Variants in DIAPH3 observed in about 807,000 individuals in gnomAD.
The protein encoded by DIAPH3 is protein diaphanous homolog 3.
Under a neutral mutation model 144.3 loss-of-function variants are expected in DIAPH3, and 117 were observed. The observed-to-expected ratio is 0.81, with a 90% CI of 0.70 to 0.95. DIAPH3 has a LOEUF of 0.95. DIAPH3 is among the 40% of genes least tolerant of loss of function. DIAPH3 has a pLI of 0.00. For missense variants in DIAPH3, 1,421 were observed against 1,412.7 expected, an observed-to-expected ratio of 1.01 and a Z score of -0.09; for synonymous variants, 519 against 488.9, an observed-to-expected ratio of 1.06 and a Z score of -0.81.
chr13:60,090,005 G>A (rs1466374329), intron 4 of DIAPH3, among the ~76,000 whole-genome samples: 1 of 152,140 alleles, frequency 6.6e-6, no homozygotes, highest in African/African-American at 2.4e-5. Context: ...GAAGAGTCTA[G>A]GGGCAGGAAT....
chr13:59,740,144 T>C (rs1709532693), intron 27 of DIAPH3, among the ~76,000 whole-genome samples: 1 of 152,226 alleles, frequency 6.6e-6, no homozygotes, highest in South Asian at 2.1e-4. Context: ...CTCATTTATC[T>C]ACTTATTCGA....
At chr13:60,065,652 A>T (rs1459026146) in intron 4 of DIAPH3, among the ~76,000 whole-genome samples, 1 of 152,228 alleles carries the variant, frequency 6.6e-6, no homozygotes, top group Admixed American at 6.5e-5. Context: ...ACCCATGTCA[A>T]CTCATCAACA....
intron 27 of DIAPH3, among the ~76,000 whole-genome samples, chr13:59,725,907 A>C (rs573722784): frequency 2.6e-5 from 4 of 152,218 alleles, no homozygotes; most frequent in Non-Finnish European, 4.4e-5. Flanking sequence ...TACAAAGGTA[A>C]AAGAGAGAGG....
chr13:59,874,315 A>G (rs1374015427), intron 21 of DIAPH3, among the ~76,000 whole-genome samples: 1 of 152,158 alleles, frequency 6.6e-6, no homozygotes, highest in Non-Finnish European at 1.5e-5. Context: ...ACAATTTTGG[A>G]AAGTGTCTCA....
intron 17 of DIAPH3, among the ~76,000 whole-genome samples, chr13:59,948,840 A>AGAAGGAAGGAAG (rs202029127): frequency 2.7e-3 from 356 of 133,564 alleles, no homozygotes; most frequent in Non-Finnish European, 3.3e-3. Context: ...ATAAAAAGAA[A>AGAAGGAAGGAAG]GAAGGAAGGA....
chr13:59,825,035 ATTTT>A (rs2041304051), intron 24 of DIAPH3, among the ~76,000 whole-genome samples: 1 of 63,164 alleles, frequency 1.6e-5, no homozygotes, highest in South Asian at 5.7e-4. Context: ...TGACACATTT[ATTTT>A]ATTTATTATT....
At chr13:60,087,854 T>C (rs1350589802) in intron 4 of DIAPH3, among the ~76,000 whole-genome samples, 5 of 151,768 alleles carry the variant, frequency 3.3e-5, no homozygotes, top group Non-Finnish European at 5.9e-5. Flanking sequence ...AAATGTGGGA[T>C]GGGCTATCCT....
chr13:59,957,282 G>C (rs1450190712), intron 17 of DIAPH3, among the ~76,000 whole-genome samples: 3 of 152,170 alleles, frequency 2.0e-5, no homozygotes, highest in Non-Finnish European at 4.4e-5. Context: ...CCCACGTGTT[G>C]TGGGAGGGAC....
At position 59,668,565 on chromosome 13, in the gene DIAPH3, T is replaced by C. The variant is rs186379970; in HGVS notation, c.3320-1719A>G. Among the ~76,000 whole-genome samples, 152 of 152,308 alleles carry C rather than the reference T, an allele frequency of 1.0e-3. 1 individual carries two copies. The highest frequency in any genetic ancestry group is 3.4e-3 in the African/African-American group (140 of 41,574). ...TATGCACTCCAAGAAAGTAGGGACA[T>C]TGTTTTAAATATTGCTATAGCTTTA... On this transcript the variant is annotated intron_variant, in intron 27 of 27. Coordinates refer to ENST00000400324, the MANE Select transcript of DIAPH3 (RefSeq NM_001042517.2).
intron 27 of DIAPH3, among the ~76,000 whole-genome samples, chr13:59,744,168 A>G (rs1411027687): frequency 1.3e-5 from 2 of 152,202 alleles, no homozygotes; most frequent in African/African-American, 4.8e-5. Context: ...AATAATAACC[A>G]CCACCAAAAA....
intron 25 of DIAPH3, among the ~76,000 whole-genome samples, chr13:59,780,414 A>G (rs957624748): frequency 5.9e-5 from 9 of 152,344 alleles, no homozygotes; most frequent in African/African-American, 1.9e-4. Flanking sequence ...ACAGTATTCT[A>G]ACATAGACCA....
chr13:59,751,803 C>A (rs1474368608), intron 27 of DIAPH3, among the ~76,000 whole-genome samples: 1 of 152,164 alleles, frequency 6.6e-6, no homozygotes, highest in Non-Finnish European at 1.5e-5. Context: ...GGTAACAGTA[C>A]TACAAGTAAA....
rs141030518 is a variant in DIAPH3, at chr13:59,762,907, T to C, written c.3319+11282A>G. On this transcript the variant is annotated intron_variant, in intron 27 of 27. Transcript: ENST00000400324. ...AGAATAGTTTCCTTACAAAGGATGATGAGTCCAGCCCTGTTTTGTCTCCCT... is the reference window on the plus strand; with the variant it reads ...AGAATAGTTTCCTTACAAAGGATGACGAGTCCAGCCCTGTTTTGTCTCCCT... Among the ~76,000 whole-genome samples, 3 of 152,270 alleles carry C rather than the reference T, an allele frequency of 2.0e-5. No homozygotes were observed. In the East Asian group the frequency reaches 5.8e-4, roughly 29 times the overall value.
chr13:59,913,325 AC>A (rs1404525442), intron 19 of DIAPH3, among the ~76,000 whole-genome samples: 1 of 152,124 alleles, frequency 6.6e-6, no homozygotes, highest in Non-Finnish European at 1.5e-5. Flanking sequence ...CAAATTCCCC[AC>A]ACCCTTCGCA....
In DIAPH3 at chr13:60,163,857, C is replaced by T; in HGVS notation, c.-91G>A. On this transcript the variant is annotated 5_prime_UTR_variant, in exon 1 of 28. Coordinates refer to ENST00000400324, the MANE Select transcript of DIAPH3 (RefSeq NM_001042517.2). Reference sequence around the variant, plus strand: ...AGGGATCGACAACAGGTTTTACTCCCGGGGTCCGCCACCCAAACAGTCAGC... The same window carrying T: ...AGGGATCGACAACAGGTTTTACTCCTGGGGTCCGCCACCCAAACAGTCAGC... The T allele has an allele frequency of 4.7e-6, 7 of 1,476,454 alleles. No homozygotes were observed. The highest frequency in any genetic ancestry group is 6.3e-6 in the Non-Finnish European group (7 of 1,103,670). 91.5% of individuals were successfully genotyped at this position (1,476,454 alleles called of 1,614,324 possible).
intron 8 of DIAPH3, among the ~76,000 whole-genome samples, chr13:60,010,054 G>T (rs1260144945): frequency 2.6e-5 from 4 of 152,022 alleles, no homozygotes; most frequent in Non-Finnish European, 5.9e-5. Context: ...TTATGCTCAA[G>T]GACTTTGTAC....
intron 25 of DIAPH3, among the ~76,000 whole-genome samples, chr13:59,805,079 T>C (rs1246640046): frequency 3.3e-5 from 5 of 152,106 alleles, no homozygotes; most frequent in African/African-American, 1.2e-4. Context: ...TTGCACCAAA[T>C]GAGACATTTA....
chr13:59,833,846 A>G (rs2041907875), intron 23 of DIAPH3, among the ~76,000 whole-genome samples: 1 of 151,740 alleles, frequency 6.6e-6, no homozygotes, highest in South Asian at 2.1e-4. Flanking sequence ...TTCTCAGAAA[A>G]GTGGGCATTT....
intron 4 of DIAPH3, among the ~76,000 whole-genome samples, chr13:60,067,737 A>C (rs910727535): frequency 6.6e-6 from 1 of 151,944 alleles, no homozygotes; most frequent in East Asian, 1.9e-4. Flanking sequence ...CAATTTTTTA[A>C]CTCTTCTTTA....
Sources: gnomAD v4.1 joint callset for allele counts (sites outside exome capture counted in the v4.1 genomes callset) on GRCh38, gnomAD v4.1.1 for gene constraint, MANE v1.5 for transcripts, NCBI Gene and HGNC (gene_info 2026-07-23, HGNC 2026-07-21) for gene names.